MAML1: variants seen among roughly 807,000 people sequenced by gnomAD.
MAML1 encodes the protein mastermind-like protein 1.
MAML1 carries 14 observed loss-of-function variants against 77.1 expected under a neutral mutation model. That is an observed-to-expected ratio of 0.18 (90% CI 0.12 to 0.28). The LOEUF (loss-of-function observed/expected upper bound fraction) is 0.28, where lower values mean the gene tolerates loss of function less well. Ranked by LOEUF, MAML1 falls within the 10% of genes least tolerant of loss-of-function variation. The pLI is 1.00. For missense variants in MAML1, 1,217 were observed against 1,327.8 expected, an observed-to-expected ratio of 0.92 and a Z score of 1.30; for synonymous variants, 516 against 551.9, an observed-to-expected ratio of 0.93 and a Z score of 0.91.
rs757458183 is a variant in MAML1 at position 179,774,677 on chromosome 5, G to C, written c.2851G>C (p.Gly951Arg). 1 of 1,609,796 alleles carries C rather than the reference G, an allele frequency of 6.2e-7. No individual in the cohort carries two copies. Among genetic ancestry groups the C allele is most frequent in the East Asian group, 2.2e-5 (1 of 44,838 alleles). ...CCAGAGCCCTGCCTCACAGATGGGC[G>C]GTCGGGCGGGGCTGCACTGCACCCA... is the stretch of plus-strand genomic sequence containing the variant. ...FSQSPASQMGGRAGLHCTQAY... is the reference protein window; with the variant it reads ...FSQSPASQMGRRAGLHCTQAY... Residue 951 changes from glycine to arginine, a missense_variant, in exon 5 of 5, where the codon GGT (glycine) becomes CGT (arginine). Gly to Arg is a moderately radical substitution (Grantham distance 125). Around this residue, in one of 3 missense-constraint regions of MAML1, gnomAD observed 884 missense variants for 949.3 expected, o/e 0.93. Coordinates refer to ENST00000292599, the MANE Select transcript of MAML1 (RefSeq NM_014757.5).
chr5:179,774,996 C>T lies in MAML1; in HGVS notation c.*119C>T, dbSNP rs1315521835. The T allele has an allele frequency of 6.7e-7, 1 of 1,485,156 alleles. No individual in the cohort carries two copies. The highest frequency in any genetic ancestry group is 8.9e-7 in the Non-Finnish European group (1 of 1,126,572). 92.0% of individuals were successfully genotyped at this position (1,485,156 alleles called of 1,614,324 possible). ...GGCCTGGGGAGCTGGGCAGGTAGAG[C>T]CCAAGCTCCAGGTGAGGCCTGGCCC... is the stretch of plus-strand genomic sequence containing the variant. On this transcript the variant is annotated 3_prime_UTR_variant, in exon 5 of 5. Coordinates refer to ENST00000292599, the MANE Select transcript of MAML1 (RefSeq NM_014757.5).
At chr5:179,760,366 A>G (rs1379631337) in intron 1 of MAML1, among the ~76,000 whole-genome samples, 1 of 152,090 alleles carries the variant, frequency 6.6e-6, no homozygotes, top group African/African-American at 2.4e-5. Flanking sequence ...CTGAATTAGA[A>G]GCTGAGTCAT....
chr5:179,741,931 G>A (rs777767658), intron 1 of MAML1, among the ~76,000 whole-genome samples: 3 of 151,726 alleles, frequency 2.0e-5, no homozygotes, highest in Non-Finnish European at 2.9e-5. Flanking sequence ...CAGAGTCTCC[G>A]TCTGTCGCCA....
At chr5:179,752,350 A>AAAAAAAAT (rs1554150144) in intron 1 of MAML1, among the ~76,000 whole-genome samples, 20 of 66,720 alleles carry the variant, frequency 3.0e-4, no homozygotes, top group African/African-American at 6.8e-4. Context: ...AAAAAAAAAA[A>AAAAAAAAT]ATATATATAT....
intron 1 of MAML1, among the ~76,000 whole-genome samples, chr5:179,743,981 G>A (rs921171092): frequency 1.6e-4 from 24 of 152,134 alleles, no homozygotes; most frequent in Admixed American, 7.9e-4. Context: ...AGTGGAATCC[G>A]AATATCTTAG....
intron 3 of MAML1, chr5:179,770,873 C>T (rs1336220230): frequency 2.9e-6 from 1 of 347,930 alleles, no homozygotes; most frequent in East Asian, 6.6e-5. Flanking sequence ...TTCTGGCCAT[C>T]CTAGTGGGAT....
At chr5:179,763,206 AT>A (rs1255095038) in intron 1 of MAML1, among the ~76,000 whole-genome samples, 9 of 152,252 alleles carry the variant, frequency 5.9e-5, no homozygotes, top group African/African-American at 2.2e-4. Context: ...TTAGCAACTA[AT>A]TTTTATTTCC....
chr5:179,758,997 CAAAAAA>C (rs767659852), intron 1 of MAML1, among the ~76,000 whole-genome samples: 1 of 142,542 alleles, frequency 7.0e-6, no homozygotes, highest in African/African-American at 2.6e-5. Flanking sequence ...GACTCCGACT[CAAAAAA>C]AAAAAAATTA....
intron 1 of MAML1, among the ~76,000 whole-genome samples, chr5:179,762,070 CATGAA>C (rs1326681946): frequency 6.6e-6 from 1 of 152,186 alleles, no homozygotes; most frequent in Non-Finnish European, 1.5e-5. Context: ...AAGGAGCACT[CATGAA>C]AGAACCACGC....
intron 1 of MAML1, among the ~76,000 whole-genome samples, chr5:179,753,658 T>TTTA: frequency 1.5e-5 from 2 of 129,546 alleles, no homozygotes; most frequent in East Asian, 4.8e-4. Flanking sequence ...ATTATTATTT[T>TTTA]TTTTTTTTTT....
intron 1 of MAML1, among the ~76,000 whole-genome samples, chr5:179,753,238 C>CGCGT (rs1562559880): frequency 4.6e-5 from 7 of 151,114 alleles, no homozygotes; most frequent in African/African-American, 1.7e-4. Flanking sequence ...CGCGCGCGCG[C>CGCGT]GTGCTGGGGT....
chr5:179,736,058 T>C (rs1189267147), intron 1 of MAML1, among the ~76,000 whole-genome samples: 1 of 152,194 alleles, frequency 6.6e-6, no homozygotes, highest in Non-Finnish European at 1.5e-5. Context: ...TGTCAGCTCT[T>C]GGAGGCAGGG....
In MAML1 at chr5:179,769,745, G is replaced by A. The variant is rs766627951; in HGVS notation, c.1971+656G>A. Among the ~76,000 whole-genome samples, 7 of 151,984 alleles carry A rather than the reference G, an allele frequency of 4.6e-5. No individual in the cohort carries two copies. Among genetic ancestry groups the A allele is most frequent in the African/African-American group, 1.7e-4 (7 of 41,390 alleles). ...TTTTTGTGTTTTTAGTAGAGATGGG[G>A]TTTCACCACGTTGGCCAGGCTGGTC... On this transcript the variant is annotated intron_variant, in intron 3 of 4. Coordinates refer to ENST00000292599, the MANE Select transcript of MAML1 (RefSeq NM_014757.5). The surrounding 1 kb of genome is among the most constrained non-coding windows in gnomAD (Gnocchi z 4.2).
At position 179,774,646 on chromosome 5, in the gene MAML1, C is replaced by T. The variant is rs759876729; in HGVS notation, c.2820C>T (p.Ala940=). The change falls in exon 5 of 5, where the codon GCC becomes GCT. Residue 940 remains alanine (A), a synonymous_variant. Transcript: ENST00000292599. ...GCCCAGCAGGGCCTGAGCTGGGGGCCTTCAGCCAGAGCCCTGCCTCACAGA... is the reference window on the plus strand; with the variant it reads ...GCCCAGCAGGGCCTGAGCTGGGGGCTTTCAGCCAGAGCCCTGCCTCACAGA... ...GLSPAGPELG[A]FSQSPASQMG... is the part of the protein sequence containing the mutation. 24 of 1,610,946 alleles carry T rather than the reference C, an allele frequency of 1.5e-5. No individual in the cohort carries two copies. In the East Asian group the frequency reaches 4.7e-4, roughly 31 times the overall value.
At chr5:179,759,035 G>A (rs1214370034) in intron 1 of MAML1, among the ~76,000 whole-genome samples, 2 of 152,150 alleles carry the variant, frequency 1.3e-5, no homozygotes, top group Non-Finnish European at 2.9e-5. Flanking sequence ...TGTGGCGCTG[G>A]TATGTGGGAT....
At position 179,772,221 on chromosome 5, in the gene MAML1, C is replaced by T. The variant is rs184031259; in HGVS notation, c.2068+978C>T. ...ACAACCTCCACCTCCTAGGTTCAAG[C>T]GATTCTCCTGCCTCAGCCTCCCAAG... On this transcript the variant is annotated intron_variant, in intron 4 of 4. Transcript: ENST00000292599. Among the ~76,000 whole-genome samples, 6 of 152,236 alleles carry T rather than the reference C, an allele frequency of 3.9e-5. No individual in the cohort carries two copies. The East Asian group carries it at 1.2e-3, about 29-fold the overall frequency.
rs1755909019 is a variant in MAML1 at position 179,769,162 on chromosome 5, C to A, written c.1971+73C>A. 1.3e-6 allele frequency: 2 copies of A among 1,580,760 alleles called. No homozygotes were observed. Among genetic ancestry groups the A allele is most frequent in the South Asian group, 2.3e-5 (2 of 85,898 alleles). The stretch of plus-strand genomic sequence containing the variant: ...ACCCTGCGTCACTGCTACAGTCACA[C>A]CTTCTGCTTGTGCGTGTGGATTTGC... On this transcript the variant is annotated intron_variant, in intron 3 of 4. Coordinates refer to ENST00000292599, the MANE Select transcript of MAML1 (RefSeq NM_014757.5). This position sits in a 1 kb window ranked among gnomAD's most constrained non-coding sequence, Gnocchi z 4.2.
In MAML1 at chr5:179,766,674, A is replaced by G; in HGVS notation, c.1664A>G (p.Asn555Ser). 3 of 1,601,300 alleles carry G rather than the reference A, an allele frequency of 1.9e-6. No individual in the cohort carries two copies. The highest frequency in any genetic ancestry group is 2.6e-6 in the Non-Finnish European group (3 of 1,173,188). ...QQLSHISHEQ[N>S]SLFLMKPKPG... is the part of the protein sequence containing the mutation. ...CTGTCCCATATAAGTCACGAGCAGA[A>G]CTCCCTGTTTCTGATGAAGCCAAAG... Residue 555 changes from asparagine to serine, a missense_variant, in exon 2 of 5, where the codon AAC becomes AGC. By Grantham distance (46) the Asn-to-Ser change is conservative (BLOSUM62 1). This residue lies in a region of MAML1 where 884 missense variants were observed against 949.3 expected (regional missense o/e 0.93). Transcript: ENST00000292599. This position sits in a 1 kb window ranked among gnomAD's most constrained non-coding sequence, Gnocchi z 4.0.
At chr5:179,754,026 G>A (rs1255207937) in intron 1 of MAML1, among the ~76,000 whole-genome samples, 1 of 151,898 alleles carries the variant, frequency 6.6e-6, no homozygotes, top group Admixed American at 6.6e-5. Context: ...GCTCACGCCT[G>A]TAATCTCAGC....
Sources: allele counts gnomAD v4.1 joint callset (sites outside exome capture counted in the v4.1 genomes callset), GRCh38; gene constraint gnomAD v4.1.1; regional missense constraint gnomAD v4.1.1; non-coding constraint Gnocchi (gnomAD v3.1); transcripts MANE v1.5; gene names NCBI Gene and HGNC (gene_info 2026-07-23, HGNC 2026-07-21).